Variants in SORCS3 observed in about 807,000 individuals in gnomAD.
The protein encoded by SORCS3 is sortilin related VPS10 domain containing receptor 3, also known as VPS10 domain-containing receptor SorCS3.
A neutral mutation model predicts 146.3 loss-of-function variants in SORCS3; 57 were observed. The ratio of observed to expected loss-of-function variants is 0.39; its 90% CI spans 0.31 to 0.49. SORCS3 has a LOEUF of 0.49. SORCS3 is among the 20% of genes least tolerant of loss of function. The pLI is 0.92. For missense variants in SORCS3, 1,341 were observed against 1,575.5 expected, an observed-to-expected ratio of 0.85 and a Z score of 2.52; for synonymous variants, 653 against 618.5, an observed-to-expected ratio of 1.06 and a Z score of -0.83.
At chr10:104,818,360 T>TCTTCCTTCCTTTCTTCCTTCCTTCCTTC in intron 1 of SORCS3, among the ~76,000 whole-genome samples, 1 of 139,756 alleles carries the variant, frequency 7.2e-6, no homozygotes, top group South Asian at 2.5e-4. Flanking sequence ...TCTTCTCCTT[T>TCTTCCTTCCTTTCTTCCTTCCTTCCTTC]CTTCCTTCCT....
chr10:105,112,536 C>G (rs1325551132), intron 7 of SORCS3, among the ~76,000 whole-genome samples: 1 of 152,110 alleles, frequency 6.6e-6, no homozygotes, highest in Non-Finnish European at 1.5e-5. Flanking sequence ...AGAAGCTACA[C>G]AGATGCTATA....
intron 3 of SORCS3, among the ~76,000 whole-genome samples, chr10:104,919,467 G>A (rs1426993159): frequency 2.0e-5 from 3 of 152,024 alleles, no homozygotes; most frequent in African/African-American, 7.2e-5. Context: ...GAGGTGGGCA[G>A]ATCACCTGAG....
rs184311131 is a variant in SORCS3 at position 104,941,091 on chromosome 10, A to G, written c.795+25159A>G. Among the ~76,000 whole-genome samples the G allele has an allele frequency of 3.9e-5, 6 of 152,358 alleles. No individual in the cohort carries two copies. The East Asian group carries it at 5.8e-4, about 15-fold the overall frequency. ...ATGTCTCTTAGCATGCTAATGCATT[A>G]TAATTAGCAAATATTGAGCAGTGAG... On this transcript the variant is annotated intron_variant, in intron 3 of 26. Transcript: ENST00000369701.
At chr10:105,155,089 C>T (rs1215051392) in intron 9 of SORCS3, among the ~76,000 whole-genome samples, 2 of 152,216 alleles carry the variant, frequency 1.3e-5, no homozygotes, top group Admixed American at 6.5e-5. Flanking sequence ...GTCCTTTCTA[C>T]ATCTTTTTAG....
intron 3 of SORCS3, among the ~76,000 whole-genome samples, chr10:104,924,431 G>A (rs2019118339): frequency 6.6e-6 from 1 of 152,190 alleles, no homozygotes; most frequent in Admixed American, 6.5e-5. Flanking sequence ...CTGAATGTCA[G>A]TTGTGTCTCT....
chr10:104,894,684 G>A (rs1253036902), intron 2 of SORCS3, among the ~76,000 whole-genome samples: 1 of 152,192 alleles, frequency 6.6e-6, no homozygotes, highest in African/African-American at 2.4e-5. Context: ...GCAATTAGAG[G>A]TGAGGGATGG....
chr10:104,773,032 G>C (rs896760231), intron 1 of SORCS3, among the ~76,000 whole-genome samples: 1 of 152,162 alleles, frequency 6.6e-6, no homozygotes, highest in East Asian at 1.9e-4. Context: ...GGGTACTGTG[G>C]GGGTATCTCA....
At chr10:104,676,783 T>C (rs954273322) in intron 1 of SORCS3, among the ~76,000 whole-genome samples, 2 of 152,170 alleles carry the variant, frequency 1.3e-5, no homozygotes, top group African/African-American at 4.8e-5. Context: ...ATCTCTTTTT[T>C]TTTCTGTTTC....
intron 1 of SORCS3, among the ~76,000 whole-genome samples, chr10:104,839,604 G>T (rs777748722): frequency 5.3e-5 from 8 of 152,154 alleles, no homozygotes; most frequent in Non-Finnish European, 1.0e-4. Context: ...TAAGGAGTAT[G>T]AATTTCATCC....
Position 105,139,405 on chromosome 10 carries a change from T to G in SORCS3, c.1221T>G (p.Thr407=). ...TTTCCCCCACAATCTAGGTAACAAC[T>G]AGTGGAAGAGCCAGCTACTACGTGT... ...QDEYIFIQVT[T]SGRASYYVSY... is the part of the protein sequence containing the mutation. The change falls in exon 8 of 27, where the codon ACT becomes ACG. Residue 407 remains threonine (T), a synonymous_variant. Transcript: ENST00000369701. 6.2e-7 allele frequency: 1 copy of G among 1,613,216 alleles called. No individual in the cohort carries two copies. Among genetic ancestry groups the G allele is most frequent in the Non-Finnish European group, 8.5e-7 (1 of 1,179,224 alleles).
intron 1 of SORCS3, among the ~76,000 whole-genome samples, chr10:104,735,456 G>GT (rs56203751): frequency 0.035 from 1,236 of 35,028 alleles, 143 homozygotes; most frequent in Middle Eastern, 0.18. Context: ...CTCACCGTCT[G>GT]TTTTTTTTTT....
chr10:104,887,959 C>CGGGGGGG (rs1212866137), intron 2 of SORCS3, among the ~76,000 whole-genome samples: 11 of 6,590 alleles, frequency 1.7e-3, no homozygotes, highest in Non-Finnish European at 2.9e-3. Flanking sequence ...ATGGTGGGGG[C>CGGGGGGG]GGGGGGGCGG....
intron 1 of SORCS3, among the ~76,000 whole-genome samples, chr10:104,796,005 C>A (rs1356093623): frequency 6.6e-6 from 1 of 152,204 alleles, no homozygotes; most frequent in Middle Eastern, 3.2e-3. Context: ...ACCCAGGAAC[C>A]TTCCTGAGCT....
intron 1 of SORCS3, among the ~76,000 whole-genome samples, chr10:104,826,936 A>G (rs189295128): frequency 3.1e-4 from 47 of 152,364 alleles, no homozygotes; most frequent in African/African-American, 7.9e-4. Flanking sequence ...CATTTTCACC[A>G]GGAATAGATT....
At chr10:104,958,378 T>A (rs936635426) in intron 3 of SORCS3, among the ~76,000 whole-genome samples, 2 of 152,132 alleles carry the variant, frequency 1.3e-5, no homozygotes, top group African/African-American at 4.8e-5. Context: ...CTCCCTGCAA[T>A]GCCCCGCTCC....
intron 8 of SORCS3, among the ~76,000 whole-genome samples, chr10:105,144,513 A>G (rs1383106618): frequency 6.6e-6 from 1 of 152,204 alleles, no homozygotes; most frequent in Non-Finnish European, 1.5e-5. Context: ...TTCACCTAGG[A>G]AGTCACAGGT....
intron 22 of SORCS3, 122 bp downstream of exon 22, chr10:105,247,453 A>C (rs1363158735): frequency 3.6e-6 from 2 of 549,190 alleles, no homozygotes; most frequent in Admixed American, 3.4e-5. Flanking sequence ...TTTCTCTGTA[A>C]AAAGAGAGAG....
intron 2 of SORCS3, among the ~76,000 whole-genome samples, chr10:104,875,247 T>C (rs1485419632): frequency 6.6e-6 from 1 of 152,212 alleles, no homozygotes; most frequent in Non-Finnish European, 1.5e-5. Context: ...ATACCCTGAC[T>C]TCTGAAGTGG....
chr10:104,762,123 C>T (rs1382772249), intron 1 of SORCS3, among the ~76,000 whole-genome samples: 1 of 152,324 alleles, frequency 6.6e-6, no homozygotes, highest in South Asian at 2.1e-4. Context: ...CCTTCATTCT[C>T]CACAGGTCCT....
Sources: allele counts gnomAD v4.1 joint callset (sites outside exome capture counted in the v4.1 genomes callset), GRCh38; gene constraint gnomAD v4.1.1; transcripts MANE v1.5; gene names NCBI Gene and HGNC (gene_info 2026-07-23, HGNC 2026-07-21).